Variants in ESR1 observed in about 807,000 individuals in gnomAD.
The protein encoded by ESR1 is estrogen receptor 1, also known as estrogen receptor.
In ESR1, 12 loss-of-function variants were observed where a neutral mutation model predicts 52.7. That is an observed-to-expected ratio of 0.23 (90% CI 0.15 to 0.37). The LOEUF (loss-of-function observed/expected upper bound fraction) is 0.37, where lower values mean the gene tolerates loss of function less well. Among genes scored for constraint, ESR1 ranks in the 10% least tolerant of loss-of-function variants. ESR1 has a pLI of 1.00. For missense variants in ESR1, 584 were observed against 779.7 expected (o/e 0.75, Z 2.99); for synonymous variants, 305 against 316.8 (o/e 0.96, Z 0.39).
intron 2 of ESR1, among the ~76,000 whole-genome samples, chr6:151,877,216 T>G (rs1277691224): frequency 2.0e-5 from 3 of 152,140 alleles, no homozygotes; most frequent in Non-Finnish European, 4.4e-5. Context: ...ACCCACTAAC[T>G]CGTCATCTAG....
At chr6:152,000,859 T>C (rs1246903305) in intron 4 of ESR1, among the ~76,000 whole-genome samples, 1 of 152,064 alleles carries the variant, frequency 6.6e-6, no homozygotes, top group Non-Finnish European at 1.5e-5. Flanking sequence ...ACAAGAGGCT[T>C]TGCAATCTTG....
In ESR1 at chr6:152,094,455, C is replaced by G. The variant is rs79374934; in HGVS notation, c.1440C>G (p.Asp480Glu). The change falls in exon 7 of 8, where the codon GAC becomes GAG. Residue 480 changes from aspartate (D) to glutamate (E), a missense_variant. By Grantham distance (45) the Asp-to-Glu change is conservative. Coordinates refer to ENST00000206249, the MANE Select transcript of ESR1 (RefSeq NM_000125.4). The surrounding 1 kb of genome is among the most constrained non-coding windows in gnomAD (Gnocchi z 4.6). ...AGGACCATATCCACCGAGTCCTGGA[C>G]AAGATCACAGACACTTTGATCCACC... is the stretch of plus-strand genomic sequence containing the variant. ...EEKDHIHRVL[D>E]KITDTLIHLM... The G allele has an allele frequency of 6.2e-7, 1 of 1,614,008 alleles. No homozygotes were observed. The highest frequency in any genetic ancestry group is 1.3e-5 in the African/African-American group (1 of 74,926).
rs1258833225 is a variant in ESR1, at chr6:151,821,351, A to C, written c.452+12987A>C. On this transcript the variant is annotated intron_variant, in intron 1 of 7. Coordinates refer to ENST00000206249, the MANE Select transcript of ESR1 (RefSeq NM_000125.4). ...CCAGCCATGCTTGTCTAGACAGGCC[A>C]TCTGTTTAATTGGTATATGGTTCAC... 3.3e-5 allele frequency among the ~76,000 whole-genome samples: 5 copies of C among 152,292 alleles called. No individual in the cohort carries two copies. In the East Asian group the frequency reaches 9.6e-4, roughly 29 times the overall value.
rs1046965630 is a variant in ESR1 at position 151,742,136 on chromosome 6, A to G, written c.-71+40131A>G. Among the ~76,000 whole-genome samples, 3 of 152,298 alleles carry G rather than the reference A, an allele frequency of 2.0e-5. No homozygotes were observed. The East Asian group carries it at 5.8e-4, about 29-fold the overall frequency. On this transcript the variant is annotated intron_variant, in intron 2 of 2. Transcript: ENST00000404742. ...TCATTCGTTTTTAAGGCTGAATAAT[A>G]TTCCATTTGTCCATTTGTCCATGAA...
Position 152,057,661 on chromosome 6 carries a change from C to T in ESR1, c.1236-3330C>T, listed in dbSNP as rs573733639. Among the ~76,000 whole-genome samples, 64 of 150,128 alleles carry T rather than the reference C, an allele frequency of 4.3e-4. 1 individual carries two copies. In the South Asian group the frequency reaches 0.01, roughly 24 times the overall value. ...TATGATTAATAGTCAACATATGCCC[C>T]CTCCACATTCCCTAAAGGAACATAC... On this transcript the variant is annotated intron_variant, in intron 5 of 7. Coordinates refer to ENST00000206249, the MANE Select transcript of ESR1 (RefSeq NM_000125.4).
At chr6:151,671,008 TCTGC>T (rs1718548219) in intron 1 of ESR1, among the ~76,000 whole-genome samples, 1 of 152,078 alleles carries the variant, frequency 6.6e-6, no homozygotes, top group African/African-American at 2.4e-5. Flanking sequence ...CCCCAAGTGA[TCTGC>T]CTGCCTCGGC....
At chr6:151,949,694 C>T (rs1400652448) in intron 4 of ESR1, among the ~76,000 whole-genome samples, 1 of 152,260 alleles carries the variant, frequency 6.6e-6, no homozygotes, top group East Asian at 1.9e-4. Context: ...CAAGTCACCC[C>T]ACCCAGCTTT....
At position 152,098,821 on chromosome 6, in the gene ESR1, G is replaced by T. The variant is rs775806382; in HGVS notation, c.1643G>T (p.Arg548Leu). 3.1e-6 allele frequency: 5 copies of T among 1,614,168 alleles called. No homozygotes were observed. Among genetic ancestry groups the T allele is most frequent in the Non-Finnish European group, 4.2e-6 (5 of 1,180,036 alleles). The change falls in exon 8 of 8, where the codon CGC becomes CTC. Residue 548 changes from arginine (R) to leucine (L), a missense_variant. Physicochemically the swap from Arg to Leu is moderately radical, Grantham distance 102. This residue lies in a region of ESR1 where 71 missense variants were observed against 66.1 expected (regional missense o/e 1.07). Transcript: ENST00000206249. This position sits in a 1 kb window ranked among gnomAD's most constrained non-coding sequence, Gnocchi z 5.1. Reference sequence around the variant, plus strand: ...CTGCTGGAGATGCTGGACGCCCACCGCCTACATGCGCCCACTAGCCGTGGA... The same window carrying T: ...CTGCTGGAGATGCTGGACGCCCACCTCCTACATGCGCCCACTAGCCGTGGA... ...DLLLEMLDAHRLHAPTSRGGA... is the reference protein window; with the variant it reads ...DLLLEMLDAHLLHAPTSRGGA...
chr6:151,946,975 C>T (rs189683393), intron 4 of ESR1, among the ~76,000 whole-genome samples: 79 of 152,198 alleles, frequency 5.2e-4, no homozygotes, highest in African/African-American at 1.8e-3. Context: ...GACAATATAA[C>T]GTTTATGAGA....
At chr6:151,793,730 C>G (rs1776430188) in intron 2 of ESR1, among the ~76,000 whole-genome samples, 1 of 152,148 alleles carries the variant, frequency 6.6e-6, no homozygotes, top group African/African-American at 2.4e-5. Context: ...TGGTGCATGA[C>G]TATATTTACT....
intron 1 of ESR1, among the ~76,000 whole-genome samples, chr6:151,695,096 T>C (rs2115374017): frequency 6.6e-6 from 1 of 152,330 alleles, no homozygotes; most frequent in Middle Eastern, 3.4e-3. Context: ...TATTGTGGGA[T>C]GCTCTCTGAT....
At chr6:151,904,588 A>G (rs1158864365) in intron 3 of ESR1, among the ~76,000 whole-genome samples, 1 of 152,190 alleles carries the variant, frequency 6.6e-6, no homozygotes, top group African/African-American at 2.4e-5. Context: ...CAAGCAGATA[A>G]TAGCTCATTT....
intron 2 of ESR1, among the ~76,000 whole-genome samples, chr6:151,726,939 C>T (rs182415238): frequency 2.0e-5 from 3 of 152,034 alleles, no homozygotes; most frequent in African/African-American, 2.4e-5. Context: ...CACTCCTGAT[C>T]GCAGGGCAGC....
chr6:151,806,555 T>TATATATATATATATATATATAC (rs1408302409), upstream of ESR1, among the ~76,000 whole-genome samples: 1 of 142,684 alleles, frequency 7.0e-6, no homozygotes, highest in Non-Finnish European at 1.5e-5. Flanking sequence ...TATATATATA[T>TATATATATATATATATATATAC]ATACACATAT....
intron 3 of ESR1, among the ~76,000 whole-genome samples, chr6:151,907,396 TTC>T (rs1797622397): frequency 1.3e-5 from 2 of 152,124 alleles, no homozygotes; most frequent in South Asian, 4.1e-4. Flanking sequence ...TTTTTCAATT[TTC>T]TCCAAAATAT....
intron 5 of ESR1, among the ~76,000 whole-genome samples, chr6:152,051,291 T>A (rs1040511219): frequency 1.3e-5 from 2 of 152,222 alleles, no homozygotes; most frequent in South Asian, 2.1e-4. Context: ...GAGTCAGTCA[T>A]CTGCCTTGAG....
chr6:151,968,218 A>G (rs2038500299), intron 4 of ESR1, among the ~76,000 whole-genome samples: 1 of 152,240 alleles, frequency 6.6e-6, no homozygotes, highest in South Asian at 2.1e-4. Context: ...GACTAGCCAT[A>G]TGCAGAAAAC....
intron 5 of ESR1, among the ~76,000 whole-genome samples, chr6:152,013,638 A>T (rs2128788797): frequency 6.6e-6 from 1 of 152,080 alleles, no homozygotes; most frequent in Non-Finnish European, 1.5e-5. Flanking sequence ...CACCCAAAAA[A>T]CTCATATTGC....
chr6:152,067,147 C>T (rs190768130), intron 6 of ESR1, among the ~76,000 whole-genome samples: 2 of 152,162 alleles, frequency 1.3e-5, no homozygotes, highest in African/African-American at 4.8e-5. Flanking sequence ...ATTGCATTCC[C>T]ATGATGAAGA....
Sources: gnomAD v4.1 joint callset for allele counts (sites outside exome capture counted in the v4.1 genomes callset) on GRCh38, gnomAD v4.1.1 for gene constraint, gnomAD v4.1.1 regional missense constraint, Gnocchi (gnomAD v3.1) non-coding constraint, MANE v1.5 for transcripts, NCBI Gene and HGNC (gene_info 2026-07-23, HGNC 2026-07-21) for gene names.